Variants in CLASP2 observed in about 807,000 individuals in gnomAD.
The protein encoded by CLASP2 is CLIP-associating protein 2.
CLASP2 carries 47 observed loss-of-function variants against 194.4 expected under a neutral mutation model. That is an observed-to-expected ratio of 0.24 (90% CI 0.19 to 0.31). The LOEUF (loss-of-function observed/expected upper bound fraction) is 0.31. Among genes scored for constraint, CLASP2 ranks in the 10% least tolerant of loss-of-function variants. The pLI is 1.00. For missense variants in CLASP2, 1,445 were observed against 1,823.6 expected (o/e 0.79, Z 3.78); for synonymous variants, 619 against 633.5 (o/e 0.98, Z 0.34).
chr3:33,546,891 T>C lies in CLASP2; in HGVS notation c.3154-2050A>G, dbSNP rs182542102. On this transcript the variant is annotated intron_variant, in intron 30 of 38. Transcript: ENST00000682230. ...TTAAATTTTGATGAAATCCAACTTA[T>C]CTGTTTTTCCATTTGTTGCCTAAGC... Among the ~76,000 whole-genome samples the C allele has an allele frequency of 5.9e-5, 9 of 152,324 alleles. No individual in the cohort carries two copies. The East Asian group carries it at 1.3e-3, about 23-fold the overall frequency.
chr3:33,508,192 A>AT (rs930960399), intron 37 of CLASP2, among the ~76,000 whole-genome samples: 4 of 151,806 alleles, frequency 2.6e-5, no homozygotes, highest in Non-Finnish European at 4.4e-5. Flanking sequence ...ATTAAAAACA[A>AT]TTTTTTTGTA....
At chr3:33,671,141 C>T (rs1182913838) in intron 6 of CLASP2, among the ~76,000 whole-genome samples, 4 of 152,066 alleles carry the variant, frequency 2.6e-5, no homozygotes, top group Non-Finnish European at 5.9e-5. Flanking sequence ...GCCATTCTGT[C>T]CCACCTAAGT....
intron 37 of CLASP2, among the ~76,000 whole-genome samples, chr3:33,509,468 G>C (rs1450007969): frequency 1.3e-5 from 2 of 152,098 alleles, no homozygotes; most frequent in African/African-American, 4.8e-5. Flanking sequence ...GCCCACCTTG[G>C]CCTCCCAAAG....
At chr3:33,620,444 T>A (rs2076925538) in intron 11 of CLASP2, among the ~76,000 whole-genome samples, 1 of 152,228 alleles carries the variant, frequency 6.6e-6, no homozygotes, top group Admixed American at 6.5e-5. Context: ...AATTTTTATA[T>A]ATTTGTATCT....
At chr3:33,707,783 G>A (rs998548279) in intron 1 of CLASP2, among the ~76,000 whole-genome samples, 2 of 151,712 alleles carry the variant, frequency 1.3e-5, no homozygotes, top group Non-Finnish European at 1.5e-5. Flanking sequence ...AATGAAACCG[G>A]CAAGATCCAG....
At chr3:33,523,252 G>GA (rs1304005697) in intron 34 of CLASP2, among the ~76,000 whole-genome samples, 1 of 151,998 alleles carries the variant, frequency 6.6e-6, no homozygotes, top group East Asian at 1.9e-4. Flanking sequence ...AAAACTATTT[G>GA]AAAAAATTAT....
intron 1 of CLASP2, among the ~76,000 whole-genome samples, chr3:33,702,678 GA>G (rs1306429294): frequency 6.6e-6 from 1 of 152,052 alleles, no homozygotes; most frequent in Admixed American, 6.6e-5. Flanking sequence ...CAGAATAGGG[GA>G]AAATAATTGT....
At chr3:33,513,006 A>T (rs1442709675) in intron 36 of CLASP2, among the ~76,000 whole-genome samples, 1 of 152,050 alleles carries the variant, frequency 6.6e-6, no homozygotes, top group African/African-American at 2.4e-5. Context: ...CAACCAACCA[A>T]CCAACCAAAC....
At chr3:33,683,510 A>C (rs2090146045) in intron 6 of CLASP2, 1 of 152,268 alleles carries the variant, frequency 6.6e-6, no homozygotes, top group South Asian at 2.1e-4. Flanking sequence ...TGGGAGGCTG[A>C]GGTGAGAGGA....
At chr3:33,612,841 G>A (rs1229594192) in intron 12 of CLASP2, among the ~76,000 whole-genome samples, 1 of 151,994 alleles carries the variant, frequency 6.6e-6, no homozygotes, top group African/African-American at 2.4e-5. Context: ...AAACAAAAGT[G>A]GATCTCATGA....
intron 1 of CLASP2, among the ~76,000 whole-genome samples, chr3:33,712,463 C>T (rs887051188): frequency 6.6e-6 from 1 of 151,946 alleles, no homozygotes; most frequent in African/African-American, 2.4e-5. Flanking sequence ...GACTTATCCA[C>T]GTAACCAAAA....
intron 34 of CLASP2, among the ~76,000 whole-genome samples, chr3:33,520,820 T>TACACACAC (rs57151303): frequency 8.1e-4 from 116 of 142,528 alleles, no homozygotes; most frequent in African/African-American, 1.0e-3. Context: ...TGTAAATCTC[T>TACACACAC]ACACACACAC....
rs138584613 is a variant in CLASP2 at position 33,623,255 on chromosome 3, C to G, written c.1036-975G>C. Among the ~76,000 whole-genome samples the G allele has an allele frequency of 6.1e-3, 936 of 152,326 alleles. 34 individuals carry two copies. Among genetic ancestry groups the G allele is most frequent in the Admixed American group, 0.045 (686 of 15,300 alleles). Reference sequence around the variant, plus strand: ...CCATCACCTCAAACATCAATCAGTTCTTTCCGTTAGGAACATTCCAATTCC... The same window carrying G: ...CCATCACCTCAAACATCAATCAGTTGTTTCCGTTAGGAACATTCCAATTCC... On this transcript the variant is annotated intron_variant, in intron 10 of 38. Coordinates refer to ENST00000682230, the MANE Select transcript of CLASP2 (RefSeq NM_001365631.1).
chr3:33,698,727 A>T (rs182360761), intron 1 of CLASP2, among the ~76,000 whole-genome samples: 9 of 152,330 alleles, frequency 5.9e-5, no homozygotes, highest in African/African-American at 2.2e-4. Flanking sequence ...ATAGCTCCAC[A>T]CTATATGTAA....
rs182489474 is a variant in CLASP2, at chr3:33,607,564, C to A, written c.1449-103G>T. On this transcript the variant is annotated intron_variant, in intron 14 of 38. Transcript: ENST00000682230. ...TACATATTAATCACAAACAGGTAGG[C>A]GAGGAAAATAAAAATTAATTAGTGT... 3.1e-4 allele frequency: 199 copies of A among 635,122 alleles called. 2 individuals carry two copies. The East Asian group carries it at 6.0e-3, about 19-fold the overall frequency. The allele number at this position is 635,122 out of a possible 1,614,324, so 39.3% of individuals were successfully genotyped here.
At chr3:33,579,079 T>C (rs1290571601) in intron 23 of CLASP2, among the ~76,000 whole-genome samples, 2 of 152,168 alleles carry the variant, frequency 1.3e-5, no homozygotes, top group Non-Finnish European at 2.9e-5. Flanking sequence ...CTACCTTTCA[T>C]CCCTGCAAAA....
intron 18 of CLASP2, chr3:33,602,653 C>G: frequency 1.4e-6 from 1 of 714,174 alleles, no homozygotes; most frequent in Non-Finnish European, 2.6e-6. Context: ...CAATTCCCTT[C>G]CCAAACCCCC....
chr3:33,588,856 C>T (rs1050923688), intron 21 of CLASP2: 11 of 615,044 alleles, frequency 1.8e-5, no homozygotes, highest in Non-Finnish European at 2.9e-5. Flanking sequence ...AATTAAAAAA[C>T]CCTAAGGCAA....
intron 10 of CLASP2, among the ~76,000 whole-genome samples, chr3:33,624,993 T>C (rs1432299613): frequency 6.6e-6 from 1 of 151,992 alleles, no homozygotes; most frequent in Non-Finnish European, 1.5e-5. Flanking sequence ...TCAAAATATT[T>C]TGGCAGCATC....
Sources: gnomAD v4.1 joint callset for allele counts (sites outside exome capture counted in the v4.1 genomes callset) on GRCh38, gnomAD v4.1.1 for gene constraint, MANE v1.5 for transcripts, NCBI Gene and HGNC (gene_info 2026-07-23, HGNC 2026-07-21) for gene names.